PDE10A: variants seen among roughly 807,000 people sequenced by gnomAD.
The protein encoded by PDE10A is cAMP and cAMP-inhibited cGMP 3',5'-cyclic phosphodiesterase 10A.
Under a neutral mutation model 97.7 loss-of-function variants are expected in PDE10A, and 39 were observed. The observed-to-expected ratio is 0.40, with a 90% confidence interval of 0.31 to 0.52. The LOEUF (loss-of-function observed/expected upper bound fraction) is 0.52. Ranked by LOEUF, PDE10A falls within the 20% of genes least tolerant of loss-of-function variation. PDE10A has a pLI of 0.56. For missense variants in PDE10A, 731 were observed against 1,047.8 expected (o/e 0.70, Z 4.17); for synonymous variants, 371 against 376.8 (o/e 0.98, Z 0.18).
At chr6:165,578,242 C>A (rs1433093552) in intron 1 of PDE10A, among the ~76,000 whole-genome samples, 2 of 130,062 alleles carry the variant, frequency 1.5e-5, no homozygotes, top group Non-Finnish European at 3.3e-5. Context: ...TGGCTGCACT[C>A]TCAAGAGTTT....
intron 2 of PDE10A, among the ~76,000 whole-genome samples, chr6:165,485,084 A>C (rs893487509): frequency 6.6e-6 from 1 of 152,310 alleles, no homozygotes; most frequent in Admixed American, 6.5e-5. Context: ...CACATTCTTC[A>C]AGTCCACTGT....
chr6:165,787,575 G>T (rs1419008761), intron 1 of PDE10A, among the ~76,000 whole-genome samples: 1 of 152,192 alleles, frequency 6.6e-6, no homozygotes, highest in Non-Finnish European at 1.5e-5. Context: ...AACAGTATTA[G>T]GAGACATACA....
chr6:165,466,363 G>A (rs1416733490), intron 3 of PDE10A, among the ~76,000 whole-genome samples: 1 of 152,092 alleles, frequency 6.6e-6, no homozygotes, highest in African/African-American at 2.4e-5. Flanking sequence ...AGCATTCAAG[G>A]GCAGCTGAAT....
At chr6:165,901,302 A>G (rs1782099302) in intron 1 of PDE10A, among the ~76,000 whole-genome samples, 1 of 152,216 alleles carries the variant, frequency 6.6e-6, no homozygotes, top group Non-Finnish European at 1.5e-5. Flanking sequence ...TGTTATGCCC[A>G]GCTCCACACC....
intron 1 of PDE10A, among the ~76,000 whole-genome samples, chr6:165,767,612 G>A (rs1777891672): frequency 6.6e-6 from 1 of 152,190 alleles, no homozygotes; most frequent in Non-Finnish European, 1.5e-5. Context: ...TGTGGCATGT[G>A]TCAGAATTGC....
At chr6:165,408,244 C>T (rs1318031860) in intron 13 of PDE10A, among the ~76,000 whole-genome samples, 1 of 152,192 alleles carries the variant, frequency 6.6e-6, no homozygotes, top group Non-Finnish European at 1.5e-5. Flanking sequence ...TCATGCTGCA[C>T]AAAGATTTTT....
chr6:165,636,988 T>A (rs1347614781), intron 1 of PDE10A, among the ~76,000 whole-genome samples: 1 of 152,160 alleles, frequency 6.6e-6, no homozygotes, highest in East Asian at 1.9e-4. Context: ...GTAAATGAAA[T>A]CATCATGGAA....
chr6:165,656,288 ACACACACAC>A (rs1410954626), intron 1 of PDE10A, among the ~76,000 whole-genome samples: 1 of 122,116 alleles, frequency 8.2e-6, no homozygotes, highest in Non-Finnish European at 1.9e-5. Context: ...ACACACACAC[ACACACACAC>A]CTTTCCAATC....
intron 1 of PDE10A, among the ~76,000 whole-genome samples, chr6:165,627,732 C>T (rs139759854): frequency 2.2e-4 from 33 of 152,350 alleles, no homozygotes; most frequent in African/African-American, 7.0e-4. Context: ...CCTGTCCATA[C>T]TTTAAGGTGT....
chr6:165,701,617 A>T (rs1420753756), intron 1 of PDE10A, among the ~76,000 whole-genome samples: 1 of 152,076 alleles, frequency 6.6e-6, no homozygotes, highest in African/African-American at 2.4e-5. Flanking sequence ...GCTTGGTGTC[A>T]TAAAGTGGGG....
intron 1 of PDE10A, among the ~76,000 whole-genome samples, chr6:165,952,794 C>T (rs1420319849): frequency 6.6e-6 from 1 of 152,022 alleles, no homozygotes; most frequent in Admixed American, 6.5e-5. Flanking sequence ...CACTGGGCTC[C>T]ATCCACTTTG....
chr6:165,856,994 G>T (rs1235287536), intron 1 of PDE10A, among the ~76,000 whole-genome samples: 1 of 152,064 alleles, frequency 6.6e-6, no homozygotes, highest in Non-Finnish European at 1.5e-5. Context: ...AAGAATGACA[G>T]GTTTCCTCCA....
chr6:165,942,500 C>T (rs1783561515), intron 1 of PDE10A, among the ~76,000 whole-genome samples: 1 of 152,078 alleles, frequency 6.6e-6, no homozygotes, highest in African/African-American at 2.4e-5. Flanking sequence ...GGTGTGTGCT[C>T]ACCTGTGCTC....
chr6:165,540,448 T>C (rs1331249706), intron 2 of PDE10A, among the ~76,000 whole-genome samples: 1 of 152,160 alleles, frequency 6.6e-6, no homozygotes, highest in Non-Finnish European at 1.5e-5. Context: ...AATGAAATAA[T>C]TTAGATAGGC....
intron 1 of PDE10A, among the ~76,000 whole-genome samples, chr6:165,920,583 C>G (rs1021973137): frequency 2.0e-5 from 3 of 151,922 alleles, no homozygotes; most frequent in African/African-American, 7.3e-5. Flanking sequence ...CACATACCTG[C>G]TTACTATACA....
chr6:165,482,468 C>A, intron 2 of PDE10A, 125 bp from the exon 3 acceptor site: 1 of 733,348 alleles, frequency 1.4e-6, no homozygotes. Flanking sequence ...CTTACGAAAT[C>A]TATGAATTTG....
At chr6:165,914,649 C>T (rs1479443190) in intron 1 of PDE10A, among the ~76,000 whole-genome samples, 2 of 152,210 alleles carry the variant, frequency 1.3e-5, no homozygotes, top group Non-Finnish European at 2.9e-5. Flanking sequence ...GATACGTGAA[C>T]CATCCTCGGG....
chr6:165,421,196 C>T (rs1161880412), intron 10 of PDE10A, among the ~76,000 whole-genome samples: 2 of 152,168 alleles, frequency 1.3e-5, no homozygotes, highest in Non-Finnish European at 2.9e-5. Context: ...AATCCCAGCA[C>T]TTTGGGAGAC....
At chr6:165,789,415 A>G (rs914764652) in intron 1 of PDE10A, among the ~76,000 whole-genome samples, 1 of 152,238 alleles carries the variant, frequency 6.6e-6, no homozygotes, top group Non-Finnish European at 1.5e-5. Flanking sequence ...ACTCACATTT[A>G]GCCTTAAAAC....
Sources: allele counts gnomAD v4.1 joint callset (sites outside exome capture counted in the v4.1 genomes callset), GRCh38; gene constraint gnomAD v4.1.1; transcripts MANE v1.5; gene names NCBI Gene and HGNC (gene_info 2026-07-23, HGNC 2026-07-21).